The following SIPA1L1 variants were observed in gnomAD, a reference collection of about 807,000 sequenced individuals.
The protein encoded by SIPA1L1 is signal induced proliferation associated 1 like 1.
Under a neutral mutation model 162.7 loss-of-function variants are expected in SIPA1L1, and 26 were observed. The observed-to-expected ratio is 0.16, with a 90% CI of 0.12 to 0.22. The LOEUF is 0.22. Among genes scored for constraint, SIPA1L1 ranks in the 10% least tolerant of loss-of-function variants. The pLI is 1.00. For synonymous variants in SIPA1L1, 829 were observed against 837.4 expected (o/e 0.99, Z 0.17); for missense variants, 1,874 against 2,241.0 (o/e 0.84, Z 3.31).
intron 12 of SIPA1L1, among the ~76,000 whole-genome samples, chr14:71,678,577 A>C (rs571854131): frequency 1.3e-5 from 2 of 152,330 alleles, no homozygotes; most frequent in African/African-American, 4.8e-5. Flanking sequence ...ACTGATGTTC[A>C]TCAGGGATAT....
chr14:71,662,340 CCTG>C (rs539427216), intron 10 of SIPA1L1, among the ~76,000 whole-genome samples: 209 of 152,328 alleles, frequency 1.4e-3, no homozygotes, highest in Non-Finnish European at 2.5e-3. Context: ...ATGTTGGTCT[CCTG>C]CTGGCTGTCA....
chr14:71,709,482 G>C lies in SIPA1L1; in HGVS notation c.4026G>C (p.Trp1342Cys). Residue 1342 changes from tryptophan to cysteine, a missense_variant, in exon 17 of 24, where the codon TGG (tryptophan) becomes TGC (cysteine). By Grantham distance (215) the Trp-to-Cys change is radical (BLOSUM62 -2). This residue lies in a region of SIPA1L1 where 936 missense variants were observed against 1,051.9 expected (regional missense o/e 0.89). Coordinates refer to ENST00000381232, the MANE Select transcript of SIPA1L1 (RefSeq NM_001386936.1). Reference protein sequence around the residue: ...GPGKEKVAPLWHSSSEVISMA... With the variant: ...GPGKEKVAPLCHSSSEVISMA... The stretch of plus-strand genomic sequence containing the variant: ...GCAAGGAGAAAGTGGCACCCCTATG[G>C]CACAGCTCCAGTGAAGTAATCTCCA... 5 of 1,614,190 alleles carry C rather than the reference G, an allele frequency of 3.1e-6. No homozygotes were observed. Among genetic ancestry groups the C allele is most frequent in the Non-Finnish European group, 4.2e-6 (5 of 1,180,026 alleles).
chr14:71,544,058 T>C (rs1235080261), intron 4 of SIPA1L1, among the ~76,000 whole-genome samples: 1 of 151,442 alleles, frequency 6.6e-6, no homozygotes, highest in Non-Finnish European at 1.5e-5. Context: ...CGCACATGTA[T>C]GTATATACAC....
chr14:71,624,069 G>A lies in SIPA1L1; in HGVS notation c.1651G>A (p.Val551Ile). 6.2e-7 allele frequency: 1 copy of A among 1,611,128 alleles called. No homozygotes were observed. Reference protein sequence around the residue: ...TSELMTLRGSVLEDAIPSTAK... With the variant: ...TSELMTLRGSILEDAIPSTAK... Reference sequence around the variant, plus strand: ...GCAGCTCATGACACTGAGAGGTTCGGTCCTGGAGGACGCCATTCCGTCGAC... The same window carrying A: ...GCAGCTCATGACACTGAGAGGTTCGATCCTGGAGGACGCCATTCCGTCGAC... The change falls in exon 7 of 24, where the codon GTC becomes ATC. Residue 551 changes from valine to isoleucine, a missense_variant. This residue lies in a region of SIPA1L1 where 685 missense variants were observed against 828.0 expected (regional missense o/e 0.83). Coordinates refer to ENST00000381232, the MANE Select transcript of SIPA1L1 (RefSeq NM_001386936.1).
At chr14:71,381,107 CA>C (rs1164430636) in intron 2 of SIPA1L1, among the ~76,000 whole-genome samples, 1 of 152,124 alleles carries the variant, frequency 6.6e-6, no homozygotes, top group African/African-American at 2.4e-5. Flanking sequence ...GGCTGGAGTC[CA>C]GTGGCGTGAT....
chr14:71,702,639 T>G (rs1489381212), intron 15 of SIPA1L1, 134 bp downstream of exon 15: 1 of 795,088 alleles, frequency 1.3e-6, no homozygotes, highest in Non-Finnish European at 2.0e-6. Flanking sequence ...AAGTCTCTGT[T>G]AGATTATGTA....
At chr14:71,420,926 C>T (rs998534939) in intron 2 of SIPA1L1, among the ~76,000 whole-genome samples, 7 of 152,070 alleles carry the variant, frequency 4.6e-5, no homozygotes, top group South Asian at 2.1e-4. Flanking sequence ...GTCAGTTTAC[C>T]GTTGGTTTGT....
chr14:71,515,341 A>T (rs2144598542), intron 3 of SIPA1L1, among the ~76,000 whole-genome samples: 1 of 152,350 alleles, frequency 6.6e-6, no homozygotes, highest in East Asian at 1.9e-4. Context: ...ATGAAAACTA[A>T]TGGTTTGCTG....
intron 4 of SIPA1L1, among the ~76,000 whole-genome samples, chr14:71,572,766 G>T (rs1567225579): frequency 1.3e-5 from 2 of 152,254 alleles, no homozygotes; most frequent in East Asian, 1.9e-4. Context: ...TTAAGCGTAG[G>T]TATATAGAAA....
At chr14:71,422,856 T>C (rs145902040) in intron 2 of SIPA1L1, among the ~76,000 whole-genome samples, 21 of 152,346 alleles carry the variant, frequency 1.4e-4, no homozygotes, top group Admixed American at 3.3e-4. Context: ...AGTAGAATCA[T>C]TGGATCATCT....
chr14:71,423,857 T>A (rs1394919077), intron 2 of SIPA1L1, among the ~76,000 whole-genome samples: 1 of 152,186 alleles, frequency 6.6e-6, no homozygotes, highest in African/African-American at 2.4e-5. Flanking sequence ...TCATTGGGAT[T>A]TTGATAGGGA....
At chr14:71,335,860 G>A (rs889667856) in intron 2 of SIPA1L1, among the ~76,000 whole-genome samples, 5 of 152,148 alleles carry the variant, frequency 3.3e-5, no homozygotes, top group African/African-American at 1.2e-4. Context: ...CTGAACCATA[G>A]GTACCCAGTA....
At chr14:71,702,109 G>C in intron 14 of SIPA1L1, among the ~76,000 whole-genome samples, 1 of 152,180 alleles carries the variant, frequency 6.6e-6, no homozygotes. Context: ...ACATACCTTA[G>C]GTTAGCTCAG....
intron 15 of SIPA1L1, chr14:71,704,806 T>C: frequency 1.9e-6 from 3 of 1,558,862 alleles, no homozygotes; most frequent in East Asian, 2.2e-5. Flanking sequence ...CAAAGTGTCA[T>C]GGTAAGTAAC....
intron 1 of SIPA1L1, among the ~76,000 whole-genome samples, chr14:71,320,841 C>T (rs1474926390): frequency 2.0e-5 from 3 of 152,016 alleles, no homozygotes; most frequent in Non-Finnish European, 2.9e-5. Flanking sequence ...ACGGCGCGAG[C>T]GGGGGCCCGG....
chr14:71,387,331 C>T lies in SIPA1L1; in HGVS notation c.-465+66150C>T, dbSNP rs1435311966. Among the ~76,000 whole-genome samples the T allele has an allele frequency of 4.7e-5, 7 of 150,140 alleles. 1 individual carries two copies. The East Asian group carries it at 1.4e-3, about 29-fold the overall frequency. ...AACTATTTAAAAATAGTTGACTAGG[C>T]CAGGTGTGCTGGTACCCGCCTGTAG... On this transcript the variant is annotated intron_variant, in intron 2 of 23. Transcript: ENST00000381232.
In SIPA1L1 at chr14:71,377,417, A is replaced by G. The variant is rs1405200365; in HGVS notation, c.-465+56236A>G. Among the ~76,000 whole-genome samples, 4 of 148,462 alleles carry G rather than the reference A, an allele frequency of 2.7e-5. No individual in the cohort carries two copies. Among genetic ancestry groups the G allele is most frequent in the Non-Finnish European group, 4.5e-5 (3 of 67,026 alleles). ...CAGAGGCACTCCTCACCTCCCAGACAGGGTGGCAGCCGGGTAGAGATGCTC... is the reference window on the plus strand; with the variant it reads ...CAGAGGCACTCCTCACCTCCCAGACGGGGTGGCAGCCGGGTAGAGATGCTC... On this transcript the variant is annotated intron_variant, in intron 2 of 23. Coordinates refer to ENST00000381232, the MANE Select transcript of SIPA1L1 (RefSeq NM_001386936.1). This position sits in a 1 kb window ranked among gnomAD's most constrained non-coding sequence, Gnocchi z 4.8.
intron 4 of SIPA1L1, among the ~76,000 whole-genome samples, chr14:71,551,716 A>G (rs2055849652): frequency 6.6e-6 from 1 of 152,012 alleles, no homozygotes; most frequent in South Asian, 2.1e-4. Flanking sequence ...TCACAGCCCC[A>G]CACCATCTGT....
At chr14:71,569,721 C>T (rs531387704) in intron 4 of SIPA1L1, among the ~76,000 whole-genome samples, 8 of 152,326 alleles carry the variant, frequency 5.3e-5, no homozygotes, top group African/African-American at 1.9e-4. Flanking sequence ...GTAGCCAAGA[C>T]AACACTCGTT....
Sources: gnomAD v4.1 joint callset for allele counts (sites outside exome capture counted in the v4.1 genomes callset) on GRCh38, gnomAD v4.1.1 for gene constraint, gnomAD v4.1.1 regional missense constraint, Gnocchi (gnomAD v3.1) non-coding constraint, MANE v1.5 for transcripts, NCBI Gene and HGNC (gene_info 2026-07-23, HGNC 2026-07-21) for gene names.